COMMD1: variants seen among roughly 807,000 people sequenced by gnomAD.
COMMD1 encodes the protein copper metabolism domain containing 1.
A neutral mutation model predicts 17.2 loss-of-function variants in COMMD1; 10 were observed. The observed-to-expected ratio is 0.58, with a 90% confidence interval of 0.36 to 0.99. The LOEUF (loss-of-function observed/expected upper bound fraction) is 0.99. Among genes scored for constraint, COMMD1 ranks in the 50% least tolerant of loss-of-function variants. COMMD1 has a pLI of 0.01. For synonymous variants in COMMD1, 97 were observed against 91.6 expected (o/e 1.06, Z -0.34); for missense variants, 270 against 231.8 (o/e 1.17, Z -1.07).
chr2:62,068,756 C>G (rs944531796), intron 2 of COMMD1, among the ~76,000 whole-genome samples: 2 of 150,484 alleles, frequency 1.3e-5, no homozygotes, highest in Non-Finnish European at 2.9e-5. Context: ...TCCTGAGTAA[C>G]TGGTACTATA....
intron 2 of COMMD1, among the ~76,000 whole-genome samples, chr2:62,130,944 G>A (rs533097654): frequency 1.3e-5 from 2 of 152,296 alleles, no homozygotes; most frequent in South Asian, 2.1e-4. Flanking sequence ...TAAAGCTAAA[G>A]CATTAAAGAT....
At chr2:62,063,560 C>A (rs1460262715) in intron 2 of COMMD1, among the ~76,000 whole-genome samples, 1 of 152,072 alleles carries the variant, frequency 6.6e-6, no homozygotes, top group Non-Finnish European at 1.5e-5. Flanking sequence ...ATACAAATTC[C>A]AGAGCATGGG....
rs994222906 is a variant in COMMD1 at position 62,085,837 on chromosome 2, G to C, written c.463-49994G>C. Among the ~76,000 whole-genome samples, 5 of 151,532 alleles carry C rather than the reference G, an allele frequency of 3.3e-5. No individual in the cohort carries two copies. The East Asian group carries it at 9.8e-4, about 30-fold the overall frequency. ...TACTAAAAAAATACAAAAAATTAGCGGGGCATGGTGGCGGGCGCCTGTCCC... is the reference window on the plus strand; with the variant it reads ...TACTAAAAAAATACAAAAAATTAGCCGGGCATGGTGGCGGGCGCCTGTCCC... On this transcript the variant is annotated intron_variant, in intron 2 of 2. Coordinates refer to ENST00000311832, the MANE Select transcript of COMMD1 (RefSeq NM_152516.4).
intron 2 of COMMD1, among the ~76,000 whole-genome samples, chr2:62,102,042 C>G (rs967330739): frequency 4.6e-5 from 7 of 152,120 alleles, no homozygotes; most frequent in African/African-American, 1.4e-4. Flanking sequence ...TATCTAGGGG[C>G]CCCCAGCCAC....
At chr2:61,954,409 C>T (rs2103676182) in intron 1 of COMMD1, among the ~76,000 whole-genome samples, 1 of 152,252 alleles carries the variant, frequency 6.6e-6, no homozygotes. Context: ...ATTTTTCCCT[C>T]CCATGGCTTG....
chr2:61,917,920 A>T (rs532511043), intron 1 of COMMD1, among the ~76,000 whole-genome samples: 171 of 152,352 alleles, frequency 1.1e-3, no homozygotes, highest in African/African-American at 3.9e-3. Flanking sequence ...TAAAGTGTTT[A>T]TATTAGGAAA....
chr2:61,986,829 A>G (rs1167957190), intron 1 of COMMD1, among the ~76,000 whole-genome samples: 1 of 152,058 alleles, frequency 6.6e-6, no homozygotes, highest in African/African-American at 2.4e-5. Flanking sequence ...TTGGCCTCCC[A>G]AAGTGCTAGG....
chr2:61,955,364 C>T (rs545855843), intron 1 of COMMD1, among the ~76,000 whole-genome samples: 1 of 152,082 alleles, frequency 6.6e-6, no homozygotes, highest in South Asian at 2.1e-4. Context: ...CCTCCCACCC[C>T]AGCCTCCCTG....
At chr2:61,974,434 G>A (rs1411541040) in intron 1 of COMMD1, among the ~76,000 whole-genome samples, 2 of 151,814 alleles carry the variant, frequency 1.3e-5, no homozygotes, top group Non-Finnish European at 2.9e-5. Context: ...AGCACTTTTG[G>A]AGGCTGAGGC....
intron 2 of COMMD1, among the ~76,000 whole-genome samples, chr2:62,127,917 G>A (rs1248329770): frequency 6.6e-6 from 1 of 151,896 alleles, no homozygotes; most frequent in African/African-American, 2.4e-5. Flanking sequence ...AGCTACTCAG[G>A]AGGCTGAGGC....
intron 2 of COMMD1, chr2:62,118,253 G>A (rs1171801775): frequency 2.0e-5 from 3 of 152,132 alleles, no homozygotes; most frequent in Non-Finnish European, 4.4e-5. Context: ...ATCTCTTCCT[G>A]TTTAACAGTT....
chr2:62,097,487 A>G (rs1422047707), intron 2 of COMMD1, among the ~76,000 whole-genome samples: 1 of 152,122 alleles, frequency 6.6e-6, no homozygotes, highest in Non-Finnish European at 1.5e-5. Flanking sequence ...ATCTTGATTA[A>G]CTTTCACAAG....
intron 2 of COMMD1, among the ~76,000 whole-genome samples, chr2:62,062,094 C>G (rs1456069900): frequency 4.6e-5 from 7 of 151,984 alleles, no homozygotes; most frequent in Non-Finnish European, 1.0e-4. Flanking sequence ...AATCCTGATC[C>G]TACTGTTTGT....
intron 1 of COMMD1, among the ~76,000 whole-genome samples, chr2:61,985,661 G>T (rs920456223): frequency 2.0e-5 from 3 of 151,774 alleles, no homozygotes; most frequent in Non-Finnish European, 2.9e-5. Flanking sequence ...TAGATTTGAG[G>T]TTACCATGAG....
chr2:61,909,373 T>C (rs1185864785), intron 1 of COMMD1, among the ~76,000 whole-genome samples: 4 of 152,198 alleles, frequency 2.6e-5, no homozygotes, highest in East Asian at 1.9e-4. Context: ...TTAAGAGATA[T>C]CAGTTCTTTC....
At chr2:61,989,387 T>A (rs1296629604) in intron 1 of COMMD1, among the ~76,000 whole-genome samples, 1 of 152,016 alleles carries the variant, frequency 6.6e-6, no homozygotes, top group African/African-American at 2.4e-5. Flanking sequence ...TGCAGATTGG[T>A]TTCAATGTCC....
At chr2:62,030,144 G>C (rs533143109) in intron 2 of COMMD1, among the ~76,000 whole-genome samples, 1 of 152,228 alleles carries the variant, frequency 6.6e-6, no homozygotes, top group Non-Finnish European at 1.5e-5. Flanking sequence ...TCGTCCTTCT[G>C]GGTGTGGGCA....
Position 61,957,465 on chromosome 2 carries a change from CTG to C in COMMD1, c.181-43233_181-43232del, listed in dbSNP as rs141519016. 1.8e-3 allele frequency among the ~76,000 whole-genome samples: 277 copies of C among 152,166 alleles called. 2 individuals are homozygous for C. The highest frequency in any genetic ancestry group is 4.8e-3 in the South Asian group (23 of 4,826). On this transcript the variant is annotated intron_variant, in intron 1 of 2. Coordinates refer to ENST00000311832, the MANE Select transcript of COMMD1 (RefSeq NM_152516.4). Reference sequence around the variant, plus strand: ...ATAGAATTTTCAGTCTTTTTTGTGACTGTGGTTTTCTGTTTTTTGCCAAAGAT... The same window carrying C: ...ATAGAATTTTCAGTCTTTTTTGTGACTGGTTTTCTGTTTTTTGCCAAAGAT...
At chr2:62,085,488 A>G (rs1671636917) in intron 2 of COMMD1, among the ~76,000 whole-genome samples, 1 of 151,932 alleles carries the variant, frequency 6.6e-6, no homozygotes, top group African/African-American at 2.4e-5. Context: ...AAGTGCTAGG[A>G]TTACAGGCGT....
Sources: allele counts gnomAD v4.1 joint callset (sites outside exome capture counted in the v4.1 genomes callset), GRCh38; gene constraint gnomAD v4.1.1; transcripts MANE v1.5; gene names NCBI Gene and HGNC (gene_info 2026-07-23, HGNC 2026-07-21).